Variants in ADAMTSL1 observed in about 807,000 individuals in gnomAD.
The protein encoded by ADAMTSL1 is ADAMTS-like protein 1.
In ADAMTSL1, 126 loss-of-function variants were observed where a neutral mutation model predicts 201.8. That is an observed-to-expected ratio of 0.62 (90% CI 0.54 to 0.72). The LOEUF (loss-of-function observed/expected upper bound fraction) is 0.72, where lower values mean the gene tolerates loss of function less well. Ranked by LOEUF, ADAMTSL1 falls within the 30% of genes least tolerant of loss-of-function variation. ADAMTSL1 has a pLI of 0.00. For missense variants in ADAMTSL1, 2,679 were observed against 2,277.8 expected (o/e 1.18, Z -3.59); for synonymous variants, 1,121 against 903.4 (o/e 1.24, Z -4.32).
intron 4 of ADAMTSL1, among the ~76,000 whole-genome samples, chr9:18,610,316 G>T (rs1489874942): frequency 6.6e-6 from 1 of 152,156 alleles, no homozygotes; most frequent in Non-Finnish European, 1.5e-5. Context: ...CGCTGGGAAA[G>T]AATCTTACAT....
At chr9:18,592,461 G>A (rs1823985823) in intron 4 of ADAMTSL1, among the ~76,000 whole-genome samples, 1 of 152,110 alleles carries the variant, frequency 6.6e-6, no homozygotes, top group Non-Finnish European at 1.5e-5. Context: ...TTGCCATTGA[G>A]TTATTTTGCA....
intron 4 of ADAMTSL1, among the ~76,000 whole-genome samples, chr9:18,584,940 G>A (rs1182201965): frequency 6.6e-6 from 1 of 152,122 alleles, no homozygotes; most frequent in African/African-American, 2.4e-5. Context: ...CTCAGTCTCA[G>A]GTATTTTGTT....
chr9:17,942,388 A>G (rs1827273187), intron 1 of ADAMTSL1, among the ~76,000 whole-genome samples: 1 of 152,296 alleles, frequency 6.6e-6, no homozygotes, highest in African/African-American at 2.4e-5. Context: ...CCTAGAAATT[A>G]TCAATGTAAT....
chr9:18,715,342 T>C (rs1162069070), intron 14 of ADAMTSL1, among the ~76,000 whole-genome samples: 3 of 152,178 alleles, frequency 2.0e-5, no homozygotes, highest in Non-Finnish European at 4.4e-5. Flanking sequence ...GAAATCCCCA[T>C]TGTCTCAGCC....
In ADAMTSL1 at chr9:18,908,871, AG is replaced by A. The variant is rs1374124466; in HGVS notation, c.*325del. 4.0e-6 allele frequency: 1 copy of A among 250,370 alleles called. No individual in the cohort carries two copies. Among genetic ancestry groups the A allele is most frequent in the Non-Finnish European group, 7.7e-6 (1 of 130,478 alleles). 15.5% of individuals were successfully genotyped at this position (250,370 alleles called of 1,614,324 possible). On this transcript the variant is annotated 3_prime_UTR_variant, in exon 29 of 29. Coordinates refer to ENST00000380548, the MANE Select transcript of ADAMTSL1 (RefSeq NM_001040272.6). ...GGGTCTCAAAGACCTAGAAAGAGGC[AG>A]GCACAGCCCCTGCGGACAGCAGGGA... is the stretch of plus-strand genomic sequence containing the variant.
At chr9:18,751,408 A>C (rs1819459849) in intron 15 of ADAMTSL1, among the ~76,000 whole-genome samples, 1 of 152,238 alleles carries the variant, frequency 6.6e-6, no homozygotes, top group African/African-American at 2.4e-5. Flanking sequence ...CTTACTAATT[A>C]GGGGTACTTG....
chr9:18,533,293 G>GT lies in ADAMTSL1; in HGVS notation c.237+2dup. ...CCGATACAGAACATGCAGTAATGTG[G>GT]TAAGTATAAGGTTCTGAGATTGTAA... On this transcript the variant is annotated splice_donor_variant, in intron 3 of 28. Transcript: ENST00000380548. LOFTEE classifies it high-confidence loss of function. The GT allele has an allele frequency of 6.2e-7, 1 of 1,608,750 alleles. No individual in the cohort carries two copies. Among genetic ancestry groups the GT allele is most frequent in the African/African-American group, 1.3e-5 (1 of 74,868 alleles).
intron 2 of ADAMTSL1, among the ~76,000 whole-genome samples, chr9:18,452,267 A>G (rs1820437289): frequency 6.6e-6 from 1 of 152,148 alleles, no homozygotes; most frequent in African/African-American, 2.4e-5. Context: ...CACTTTTATA[A>G]TAATAATGTA....
chr9:18,757,834 G>A (rs185679835), intron 16 of ADAMTSL1, among the ~76,000 whole-genome samples: 54 of 152,298 alleles, frequency 3.5e-4, no homozygotes, highest in African/African-American at 1.3e-3. Flanking sequence ...TCTGCAGAGC[G>A]TTGACTTTGG....
chr9:18,112,252 G>A (rs1215858626), intron 1 of ADAMTSL1, among the ~76,000 whole-genome samples: 1 of 152,054 alleles, frequency 6.6e-6, no homozygotes, highest in African/African-American at 2.4e-5. Context: ...TTTTGCCTTA[G>A]TCCATCTGAG....
chr9:18,000,917 C>T (rs1261059817), intron 1 of ADAMTSL1, among the ~76,000 whole-genome samples: 3 of 152,048 alleles, frequency 2.0e-5, no homozygotes, highest in African/African-American at 7.2e-5. Context: ...ACTTCAGTTC[C>T]AGGAAGTGAC....
intron 4 of ADAMTSL1, among the ~76,000 whole-genome samples, chr9:18,575,195 A>G (rs1822630311): frequency 6.6e-6 from 1 of 152,134 alleles, no homozygotes; most frequent in Non-Finnish European, 1.5e-5. Flanking sequence ...ACTTACATCT[A>G]TATTTGGATG....
chr9:18,347,660 A>G (rs150005500), intron 2 of ADAMTSL1, among the ~76,000 whole-genome samples: 4 of 152,240 alleles, frequency 2.6e-5, no homozygotes, highest in East Asian at 1.9e-4. Context: ...TCCTCTCCCA[A>G]ATGAAAATCA....
At chr9:17,997,087 T>C (rs754268942) in intron 1 of ADAMTSL1, among the ~76,000 whole-genome samples, 117 of 152,238 alleles carry the variant, frequency 7.7e-4, no homozygotes, top group Middle Eastern at 3.4e-3. Context: ...CTGTATTCCA[T>C]TGGTGCCATT....
chr9:18,633,652 T>G (rs1826921412), intron 5 of ADAMTSL1, among the ~76,000 whole-genome samples: 1 of 151,810 alleles, frequency 6.6e-6, no homozygotes, highest in African/African-American at 2.4e-5. Context: ...TTTTTTTTTT[T>G]TTTTGGTTCC....
At chr9:18,384,027 C>T (rs1837676737) in intron 2 of ADAMTSL1, among the ~76,000 whole-genome samples, 1 of 152,060 alleles carries the variant, frequency 6.6e-6, no homozygotes, top group African/African-American at 2.4e-5. Flanking sequence ...CTTTACATTA[C>T]CAAATGCTTA....
At chr9:18,212,810 A>C (rs184190379) in intron 2 of ADAMTSL1, among the ~76,000 whole-genome samples, 1 of 152,266 alleles carries the variant, frequency 6.6e-6, no homozygotes, top group African/African-American at 2.4e-5. Context: ...CTTAGGTCAC[A>C]CTGAGACTAG....
At chr9:18,660,639 A>G (rs1164114214) in intron 8 of ADAMTSL1, among the ~76,000 whole-genome samples, 1 of 152,204 alleles carries the variant, frequency 6.6e-6, no homozygotes, top group Non-Finnish European at 1.5e-5. Flanking sequence ...ATAAAATTAG[A>G]TGCTTTTAGA....
rs184429207 is a variant in ADAMTSL1, at chr9:18,175,220, T to C, written c.207+11239T>C. On this transcript the variant is annotated intron_variant, in intron 2 of 29. Transcript: ENST00000680146. ...GTCTTCTTGACCTTTAAAATAAACATGTTCTGGATGATCTTGAACCCTAAG... is the reference window on the plus strand; with the variant it reads ...GTCTTCTTGACCTTTAAAATAAACACGTTCTGGATGATCTTGAACCCTAAG... Among the ~76,000 whole-genome samples, 576 of 152,252 alleles carry C rather than the reference T, an allele frequency of 3.8e-3. 1 individual carries two copies. The highest frequency in any genetic ancestry group is 6.8e-3 in the Non-Finnish European group (462 of 67,994).
Sources: gnomAD v4.1 joint callset for allele counts (sites outside exome capture counted in the v4.1 genomes callset) on GRCh38, gnomAD v4.1.1 for gene constraint, MANE v1.5 for transcripts, NCBI Gene and HGNC (gene_info 2026-07-23, HGNC 2026-07-21) for gene names.